Variants in TTC7B observed in about 807,000 individuals in gnomAD.
The protein encoded by TTC7B is tetratricopeptide repeat protein 7B.
In TTC7B, 28 loss-of-function variants were observed where a neutral mutation model predicts 106.8. That is an observed-to-expected ratio of 0.26 (90% CI 0.19 to 0.36). The LOEUF (loss-of-function observed/expected upper bound fraction) is 0.36, where lower values mean the gene tolerates loss of function less well. TTC7B is among the 10% of genes least tolerant of loss of function. The pLI is 1.00. For missense variants in TTC7B, 862 were observed against 1,076.4 expected, an observed-to-expected ratio of 0.80 and a Z score of 2.79; for synonymous variants, 405 against 430.6, an observed-to-expected ratio of 0.94 and a Z score of 0.74.
At position 90,549,974 on chromosome 14, in the gene TTC7B, C is replaced by T. The variant is rs79641515; in HGVS notation, c.2311-8385G>A. On this transcript the variant is annotated intron_variant, in intron 19 of 19. Transcript: ENST00000328459. The stretch of plus-strand genomic sequence containing the variant: ...GATCATAAGACTGATGGAACAGACT[C>T]GCTGTGCAATAAGATACCAAATCAT... 5.0e-4 allele frequency among the ~76,000 whole-genome samples: 76 copies of T among 152,254 alleles called. 1 individual carries two copies. The East Asian group carries it at 0.011, about 22-fold the overall frequency.
At chr14:90,768,998 T>C (rs1890776941) in intron 3 of TTC7B, among the ~76,000 whole-genome samples, 1 of 152,162 alleles carries the variant, frequency 6.6e-6, no homozygotes, top group African/African-American at 2.4e-5. Flanking sequence ...TGTTTTGGGG[T>C]ATACAATGGG....
intron 1 of TTC7B, among the ~76,000 whole-genome samples, chr14:90,806,324 C>A (rs1193363040): frequency 6.6e-6 from 1 of 152,242 alleles, no homozygotes; most frequent in Admixed American, 6.5e-5. Flanking sequence ...TTCTGCACTG[C>A]CTCGTTCTGT....
At chr14:90,722,419 GTTC>G (rs1258826421) in intron 5 of TTC7B, among the ~76,000 whole-genome samples, 2 of 152,148 alleles carry the variant, frequency 1.3e-5, no homozygotes. Context: ...GAACTACCCT[GTTC>G]TTGACCCTTC....
At chr14:90,629,242 CT>C (rs34061423) in intron 15 of TTC7B, among the ~76,000 whole-genome samples, 2 of 151,178 alleles carry the variant, frequency 1.3e-5, no homozygotes, top group South Asian at 2.1e-4. Context: ...TCTCAGGTTC[CT>C]TTTTTTTTCT....
chr14:90,629,506 G>T (rs1448515138), intron 15 of TTC7B, among the ~76,000 whole-genome samples: 1 of 152,156 alleles, frequency 6.6e-6, no homozygotes, highest in East Asian at 1.9e-4. Flanking sequence ...AGAGCTACCA[G>T]GCTACTCTGC....
At chr14:90,687,699 A>AC (rs1887300935) in intron 7 of TTC7B, among the ~76,000 whole-genome samples, 1 of 152,236 alleles carries the variant, frequency 6.6e-6, no homozygotes, top group Non-Finnish European at 1.5e-5. Context: ...AATTGCTAGA[A>AC]CAGATGTTCT....
chr14:90,703,496 AG>A, intron 5 of TTC7B, among the ~76,000 whole-genome samples: 1 of 152,332 alleles, frequency 6.6e-6, no homozygotes, highest in East Asian at 1.9e-4. Context: ...TTCAATTGAC[AG>A]GAGAACTGCA....
Position 90,526,075 on chromosome 14 carries a change from C to G in TTC7B, c.*15293G>C, listed in dbSNP as rs1291770137. On this transcript the variant is annotated 3_prime_UTR_variant, in exon 20 of 20. Coordinates refer to ENST00000328459, the MANE Select transcript of TTC7B (RefSeq NM_001010854.2). ...CTAAGAGAGGAATTCCTGGATAATTCTATGTCTAACTTTTTAAGAAACTGC... is the reference window on the plus strand; with the variant it reads ...CTAAGAGAGGAATTCCTGGATAATTGTATGTCTAACTTTTTAAGAAACTGC... 1 of 151,754 alleles carries G rather than the reference C, an allele frequency of 6.6e-6. No homozygotes were observed. The highest frequency in any genetic ancestry group is 1.5e-5 in the Non-Finnish European group (1 of 67,962). 9.4% of individuals were successfully genotyped at this position (151,754 alleles called of 1,614,324 possible).
chr14:90,527,021 T>C lies in TTC7B; in HGVS notation c.*14347A>G, dbSNP rs939773477. 1 of 152,202 alleles carries C rather than the reference T, an allele frequency of 6.6e-6. No homozygotes were observed. The highest frequency in any genetic ancestry group is 1.5e-5 in the Non-Finnish European group (1 of 68,048). 9.4% of individuals were successfully genotyped at this position (152,202 alleles called of 1,614,324 possible). On this transcript the variant is annotated 3_prime_UTR_variant, in exon 20 of 20. Coordinates refer to ENST00000328459, the MANE Select transcript of TTC7B (RefSeq NM_001010854.2). ...TCTTAGACTTTTCTTTTTCATGCTC[T>C]TGGTAGTTTTGAGGGGTATTGGTCA...
In TTC7B at chr14:90,621,829, C is replaced by G. The variant is rs77927934; in HGVS notation, c.1752-3784G>C. Among the ~76,000 whole-genome samples, 605 of 152,322 alleles carry G rather than the reference C, an allele frequency of 4.0e-3. 2 individuals carry two copies. Among genetic ancestry groups the G allele is most frequent in the African/African-American group, 0.014 (571 of 41,572 alleles). ...CTCGTCATCCTATTTGCTGAACCTG[C>G]TTACACACTTCAAGACTGTTCAAAA... On this transcript the variant is annotated intron_variant, in intron 15 of 19. Transcript: ENST00000328459.
intron 16 of TTC7B, among the ~76,000 whole-genome samples, chr14:90,613,679 C>T (rs1428145921): frequency 6.6e-6 from 1 of 152,216 alleles, no homozygotes; most frequent in African/African-American, 2.4e-5. Flanking sequence ...CCATTTCCTC[C>T]TCATAGCCCA....
intron 19 of TTC7B, among the ~76,000 whole-genome samples, chr14:90,566,133 C>T (rs1890784195): frequency 6.6e-6 from 1 of 152,038 alleles, no homozygotes; most frequent in South Asian, 2.1e-4. Flanking sequence ...GAGCAGATCA[C>T]CTGAGCTCAG....
chr14:90,756,345 G>C, intron 3 of TTC7B, among the ~76,000 whole-genome samples: 1 of 151,486 alleles, frequency 6.6e-6, no homozygotes, highest in East Asian at 1.9e-4. Context: ...TCTAGTGGAA[G>C]AGAAAGATGT....
intron 3 of TTC7B, among the ~76,000 whole-genome samples, chr14:90,768,930 C>T (rs183192013): frequency 1.3e-5 from 2 of 152,160 alleles, no homozygotes; most frequent in Non-Finnish European, 2.9e-5. Flanking sequence ...CTTGTAATTC[C>T]ATGCTTTGTT....
rs936798055 is a variant in TTC7B at position 90,529,916 on chromosome 14, T to C, written c.*11452A>G. On this transcript the variant is annotated 3_prime_UTR_variant, in exon 20 of 20. Coordinates refer to ENST00000328459, the MANE Select transcript of TTC7B (RefSeq NM_001010854.2). Reference sequence around the variant, plus strand: ...AGAAAGATTTTTACTGACAAGAGAATATTAAGTGAAAAGATCCATACGGTG... The same window carrying C: ...AGAAAGATTTTTACTGACAAGAGAACATTAAGTGAAAAGATCCATACGGTG... The C allele has an allele frequency of 6.6e-6, 1 of 152,210 alleles. No individual in the cohort carries two copies. The highest frequency in any genetic ancestry group is 2.4e-5 in the African/African-American group (1 of 41,452). The allele number at this position is 152,210 out of a possible 1,614,324, so 9.4% of individuals were successfully genotyped here. A position where few individuals can be genotyped will look rare whatever the true frequency, so the allele number is the denominator to read the frequency against.
intron 3 of TTC7B, among the ~76,000 whole-genome samples, chr14:90,768,713 C>T (rs944383279): frequency 2.6e-5 from 4 of 152,220 alleles, no homozygotes; most frequent in South Asian, 2.1e-4. Context: ...ACAGAAGCCA[C>T]ACAAGGTGAA....
chr14:90,774,026 GC>G (rs1890946630), intron 3 of TTC7B, among the ~76,000 whole-genome samples: 1 of 152,226 alleles, frequency 6.6e-6, no homozygotes, highest in Non-Finnish European at 1.5e-5. Flanking sequence ...ATTCAGAGGA[GC>G]CACTGCTGTG....
chr14:90,790,068 A>C (rs1278436367), intron 1 of TTC7B, among the ~76,000 whole-genome samples: 2 of 152,126 alleles, frequency 1.3e-5, no homozygotes, highest in Non-Finnish European at 2.9e-5. Flanking sequence ...AGCTACATGT[A>C]GCTAGGGGAT....
At chr14:90,637,996 G>A (rs1029806403) in intron 15 of TTC7B, among the ~76,000 whole-genome samples, 1 of 151,712 alleles carries the variant, frequency 6.6e-6, no homozygotes, top group Middle Eastern at 3.4e-3. Flanking sequence ...ATCCTCCCAC[G>A]TCAGCCTTCT....
Sources: gnomAD v4.1 joint callset for allele counts (sites outside exome capture counted in the v4.1 genomes callset) on GRCh38, gnomAD v4.1.1 for gene constraint, MANE v1.5 for transcripts, NCBI Gene and HGNC (gene_info 2026-07-23, HGNC 2026-07-21) for gene names.